COQ6: variants seen among roughly 807,000 people sequenced by gnomAD.
COQ6 encodes ubiquinone biosynthesis monooxygenase COQ6, mitochondrial.
Under a neutral mutation model 55.5 loss-of-function variants are expected in COQ6, and 45 were observed. The observed-to-expected ratio is 0.81, with a 90% confidence interval of 0.64 to 1.04. The LOEUF is 1.04. Among genes scored for constraint, COQ6 ranks in the 50% least tolerant of loss-of-function variants. The pLI is 0.00. For missense variants in COQ6, 550 were observed against 601.3 expected (o/e 0.91, Z 0.89); for synonymous variants, 206 against 230.5 (o/e 0.89, Z 0.96).
At position 73,962,154 on chromosome 14, in the gene COQ6, G is replaced by A. The variant is rs1432810630; in HGVS notation, c.1377+251G>A. Among the ~76,000 whole-genome samples, 3 of 151,830 alleles carry A rather than the reference G, an allele frequency of 2.0e-5. 1 individual carries two copies. Among genetic ancestry groups the A allele is most frequent in the Admixed American group, 2.0e-4 (3 of 15,208 alleles). On this transcript the variant is annotated intron_variant, in intron 11 of 11. Transcript: ENST00000334571. ...GTAGAGATGGGGTTTCACCATGTTG[G>A]CCAAGCTGGTCTTGAACTCCTGACC...
chr14:73,958,514 G>A (rs1566688120), intron 5 of COQ6: 2 of 1,352,304 alleles, frequency 1.5e-6, no homozygotes, highest in South Asian at 3.0e-5. Context: ...GGGCCTCACA[G>A]GACAGGCACC....
upstream of COQ6, chr14:73,949,949 G>A (rs1439091092): frequency 1.2e-6 from 2 of 1,612,630 alleles, no homozygotes; most frequent in Non-Finnish European, 8.5e-7. Flanking sequence ...CCTTTCCCGG[G>A]GGCAGTCTCT....
rs60157646 is a variant in COQ6 at position 73,953,406 on chromosome 14, T to G, written c.164-29T>G. ...TGGGAAAGGAAATTCTTGATTTTCC[T>G]AAGATGATATAAATTTTCTTTTTTT... On this transcript the variant is annotated intron_variant, in intron 1 of 11. Coordinates refer to ENST00000334571, the MANE Select transcript of COQ6 (RefSeq NM_182476.3). 5.6e-3 allele frequency: 8,905 copies of G among 1,582,246 alleles called. 260 individuals are homozygous for G. In the African/African-American group the frequency reaches 0.074, roughly 13 times the overall value.
At chr14:73,961,099 G>C (rs1456755723) in intron 8 of COQ6, 74 bp from the exon 9 acceptor site, 2 of 1,512,768 alleles carry the variant, frequency 1.3e-6, no homozygotes, top group African/African-American at 1.4e-5. Context: ...TTACAAACAA[G>C]GTTTCTTTAT....
chr14:73,956,401 A>G (rs1882299894), intron 4 of COQ6: 1 of 166,904 alleles, frequency 6.0e-6, no homozygotes, highest in South Asian at 1.5e-4. Context: ...GCTGGGTCAT[A>G]TAATAATTCT....
intron 10 of COQ6, 63 bp from the exon 11 acceptor site, chr14:73,961,674 G>A: frequency 6.2e-7 from 1 of 1,609,674 alleles, no homozygotes; most frequent in South Asian, 1.1e-5. Flanking sequence ...TATCTGGCTT[G>A]CTAGGAGATG....
chr14:73,959,892 A>G, intron 8 of COQ6: 2 of 1,213,990 alleles, frequency 1.6e-6, no homozygotes, highest in Non-Finnish European at 2.1e-6. Flanking sequence ...TTGAGTCAGG[A>G]AAAAGGAGTA....
rs755447445 is a variant in COQ6, at chr14:73,961,862, A to T, written c.1336A>T (p.Thr446Ser). 3 of 1,614,174 alleles carry T rather than the reference A, an allele frequency of 1.9e-6. No homozygotes were observed. The highest frequency in any genetic ancestry group is 1.7e-6 in the Non-Finnish European group (2 of 1,180,024). ...TGCCTCCCCGCTTGTGTTGCTCAGG[A>T]CGTGGGGCTTGCAGGCCACAAATGC... ...TSASPLVLLRTWGLQATNAVS... is the reference protein window; with the variant it reads ...TSASPLVLLRSWGLQATNAVS... The change falls in exon 11 of 12, where the codon ACG becomes TCG. Residue 446 changes from threonine to serine, a missense_variant. Coordinates refer to ENST00000334571, the MANE Select transcript of COQ6 (RefSeq NM_182476.3).
In COQ6 at chr14:73,960,098, T is replaced by G. The variant is rs956991738; in HGVS notation, c.891+576T>G. On this transcript the variant is annotated intron_variant, in intron 8 of 11. Coordinates refer to ENST00000334571, the MANE Select transcript of COQ6 (RefSeq NM_182476.3). ...GGCCTTTTTTTGAAGCTGTAACACT[T>G]GGATTATTTTGAACAGTTCTGCTAG... The G allele has an allele frequency of 1.3e-5, 13 of 1,000,848 alleles. No homozygotes were observed. In the African/African-American group the frequency reaches 2.3e-4, roughly 17 times the overall value. 62.0% of individuals were successfully genotyped at this position (1,000,848 alleles called of 1,614,324 possible).
In COQ6 at chr14:73,957,244, C is replaced by T. The variant is rs548778040; in HGVS notation, c.482-903C>T. Among the ~76,000 whole-genome samples the T allele has an allele frequency of 4.6e-5, 7 of 152,016 alleles. No homozygotes were observed. The South Asian group carries it at 1.5e-3, about 32-fold the overall frequency. Reference sequence around the variant, plus strand: ...TCTGGAGTAGCTGGGACTATAGGCGCCTGCCACCGTGCCCAGCTAATTATT... The same window carrying T: ...TCTGGAGTAGCTGGGACTATAGGCGTCTGCCACCGTGCCCAGCTAATTATT... On this transcript the variant is annotated intron_variant, in intron 4 of 11. Coordinates refer to ENST00000334571, the MANE Select transcript of COQ6 (RefSeq NM_182476.3).
At chr14:73,950,275 GA>G (rs1300397936), upstream of COQ6, 4 of 1,539,470 alleles carry the variant, frequency 2.6e-6, no homozygotes, top group Non-Finnish European at 3.5e-6. Flanking sequence ...CTCTGCTCCG[GA>G]CGCACTACGT....
rs1255058569 is a variant in COQ6, at chr14:73,961,335, C to A, written c.1054C>A (p.His352Asn). 1 of 1,614,098 alleles carries A rather than the reference C, an allele frequency of 6.2e-7. No individual in the cohort carries two copies. ...SRVLFPLGLG[H>N]AAEYVRPRVA... The stretch of plus-strand genomic sequence containing the variant: ...AGTTCTGTTTCCTCTTGGGTTGGGA[C>A]ATGCTGCTGAGTACGTCAGGCCTCG... Residue 352 changes from histidine to asparagine, a missense_variant, in exon 9 of 12, where the codon CAT becomes AAT. By Grantham distance (68) the His-to-Asn change is moderately conservative. Transcript: ENST00000334571.
At chr14:73,951,394 G>T (rs1429909690) in intron 1 of COQ6, among the ~76,000 whole-genome samples, 5 of 149,596 alleles carry the variant, frequency 3.3e-5, no homozygotes. Context: ...TTTTCCCTGA[G>T]ATGGAGTTTC....
Position 73,958,172 on chromosome 14 carries a change from C to T in COQ6, c.507C>T (p.Ser169=). 1 of 1,614,112 alleles carries T rather than the reference C, an allele frequency of 6.2e-7. No individual in the cohort carries two copies. Among genetic ancestry groups the T allele is most frequent in the Non-Finnish European group, 8.5e-7 (1 of 1,180,022 alleles). ...ACCGAGTGACGGTTCTCTACAGGAG[C>T]AAAGCCATTCGCTATACCTGGCCTT... ...VSDRVTVLYR[S]KAIRYTWPCP... is the part of the protein sequence containing the mutation. The change falls in exon 5 of 12, where the codon AGC becomes AGT. Residue 169 remains serine, a synonymous_variant. Coordinates refer to ENST00000334571, the MANE Select transcript of COQ6 (RefSeq NM_182476.3).
At chr14:73,955,628 C>A in intron 3 of COQ6, 119 bp downstream of exon 3, 1 of 1,347,222 alleles carries the variant, frequency 7.4e-7, no homozygotes, top group Non-Finnish European at 1.1e-6. Flanking sequence ...CACATTCAGT[C>A]CGAGGAAGTG....
At chr14:73,956,073 C>T (rs1300288506) in intron 4 of COQ6, 145 bp downstream of exon 4, 15 of 1,205,882 alleles carry the variant, frequency 1.2e-5, no homozygotes, top group Non-Finnish European at 1.6e-5. Flanking sequence ...GCCTGTAATC[C>T]CAGCACTTTT....
chr14:73,949,994 T>A, upstream of COQ6: 1 of 1,613,286 alleles, frequency 6.2e-7, no homozygotes, highest in Non-Finnish European at 8.5e-7. Flanking sequence ...CCTCCGCGCC[T>A]CCGGGGGCTC....
At chr14:73,950,914 T>C (rs1433991815) in intron 1 of COQ6, among the ~76,000 whole-genome samples, 2 of 152,282 alleles carry the variant, frequency 1.3e-5, no homozygotes, top group East Asian at 3.8e-4. Context: ...ATTGGTCATT[T>C]GTATATCTTC....
intron 1 of COQ6, 52 bp downstream of exon 1, chr14:73,950,547 G>A (rs942135006): frequency 6.4e-7 from 1 of 1,555,718 alleles, no homozygotes. Flanking sequence ...GCGGAGGCAC[G>A]ATGAGAGCCG....
Sources: allele counts gnomAD v4.1 joint callset (sites outside exome capture counted in the v4.1 genomes callset), GRCh38; gene constraint gnomAD v4.1.1; transcripts MANE v1.5; gene names NCBI Gene and HGNC (gene_info 2026-07-23, HGNC 2026-07-21).